The following SH3GL2 variants were observed in gnomAD, a reference collection of about 807,000 sequenced individuals.
The protein encoded by SH3GL2 is SH3 domain containing GRB2 like 2, endophilin A1, also known as endophilin-A1.
Under a neutral mutation model 46.0 loss-of-function variants are expected in SH3GL2, and 24 were observed. The ratio of observed to expected loss-of-function variants is 0.52; its 90% CI spans 0.38 to 0.73. The LOEUF (loss-of-function observed/expected upper bound fraction) is 0.73. SH3GL2 is among the 30% of genes least tolerant of loss of function. The probability of loss-of-function intolerance (pLI) is 0.00; values close to 1 mark genes in which losing one functional copy is unlikely to be tolerated. For missense variants in SH3GL2, 413 were observed against 424.2 expected, an observed-to-expected ratio of 0.97 and a Z score of 0.23; for synonymous variants, 196 against 147.1, an observed-to-expected ratio of 1.33 and a Z score of -2.40.
At chr9:17,612,517 A>G (rs1477696891) in intron 1 of SH3GL2, among the ~76,000 whole-genome samples, 2 of 152,204 alleles carry the variant, frequency 1.3e-5, no homozygotes, top group Non-Finnish European at 2.9e-5. Flanking sequence ...ATTGAAATAC[A>G]GAGGACCAGA....
intron 1 of SH3GL2, among the ~76,000 whole-genome samples, chr9:17,735,092 G>A (rs537561940): frequency 1.6e-4 from 24 of 152,220 alleles, no homozygotes; most frequent in Admixed American, 3.9e-4. Flanking sequence ...CACATCATGA[G>A]AAGGGGTAAC....
At chr9:17,638,844 G>T (rs899587958) in intron 1 of SH3GL2, among the ~76,000 whole-genome samples, 11 of 152,144 alleles carry the variant, frequency 7.2e-5, no homozygotes, top group African/African-American at 2.7e-4. Context: ...GGGGGAGGGG[G>T]TGGTGGTGTG....
intron 1 of SH3GL2, among the ~76,000 whole-genome samples, chr9:17,638,941 A>C (rs1382011949): frequency 6.6e-6 from 1 of 152,240 alleles, no homozygotes; most frequent in Admixed American, 6.5e-5. Flanking sequence ...GTTGGATCCC[A>C]TATGTAAAAA....
At chr9:17,624,702 C>G (rs2224447) in intron 1 of SH3GL2, among the ~76,000 whole-genome samples, 58,985 of 151,950 alleles carry the variant, frequency 0.39, 12,630 homozygotes, top group Middle Eastern at 0.5. Context: ...AAATTTTTCA[C>G]TTTCTGGCAT....
intron 1 of SH3GL2, among the ~76,000 whole-genome samples, chr9:17,692,160 C>T (rs796392539): frequency 2.8e-4 from 43 of 151,888 alleles, no homozygotes; most frequent in African/African-American, 9.9e-4. Context: ...GTGGAATATG[C>T]AGATGTTAAA....
chr9:17,655,602 C>A (rs577167444), intron 1 of SH3GL2, among the ~76,000 whole-genome samples: 6 of 152,308 alleles, frequency 3.9e-5, no homozygotes, highest in Non-Finnish European at 2.9e-5. Flanking sequence ...AAACCCCAAG[C>A]ATATTTATTT....
chr9:17,638,861 C>T (rs1819609047), intron 1 of SH3GL2, among the ~76,000 whole-genome samples: 1 of 152,204 alleles, frequency 6.6e-6, no homozygotes, highest in Non-Finnish European at 1.5e-5. Context: ...TGTGTGACTT[C>T]TCTCCATTTC....
chr9:17,683,867 T>C (rs1563811044), intron 1 of SH3GL2, among the ~76,000 whole-genome samples: 1 of 152,084 alleles, frequency 6.6e-6, no homozygotes. Flanking sequence ...AAACCTGTGA[T>C]GTGCAGAGGC....
intron 1 of SH3GL2, among the ~76,000 whole-genome samples, chr9:17,609,932 T>C (rs566689723): frequency 6.6e-6 from 1 of 152,334 alleles, no homozygotes; most frequent in Non-Finnish European, 1.5e-5. Context: ...AGACACACGA[T>C]TGGCCCTCTA....
Position 17,735,866 on chromosome 9 carries a change from A to T in SH3GL2, c.46-11200A>T, listed in dbSNP as rs142461275. The T allele has an allele frequency of 4.6e-3, 1,491 of 327,366 alleles. 8 individuals carry two copies. The highest frequency in any genetic ancestry group is 5.5e-3 in the Non-Finnish European group (1,262 of 228,406). 20.3% of individuals were successfully genotyped at this position (327,366 alleles called of 1,614,324 possible). A position where few individuals can be genotyped will look rare whatever the true frequency, so the allele number is the denominator to read the frequency against. ...TCTGCGTATATGTTTCATCTATTGC[A>T]GCAGCCTTTCCTGTTACATACTTAT... On this transcript the variant is annotated intron_variant, in intron 1 of 8. Coordinates refer to ENST00000380607, the MANE Select transcript of SH3GL2 (RefSeq NM_003026.5).
chr9:17,721,626 A>G (rs997425881), intron 1 of SH3GL2, among the ~76,000 whole-genome samples: 4 of 152,060 alleles, frequency 2.6e-5, no homozygotes, highest in Non-Finnish European at 4.4e-5. Flanking sequence ...AAAGAAAAAA[A>G]GTATATTTTT....
At chr9:17,676,268 T>C (rs780085860) in intron 1 of SH3GL2, among the ~76,000 whole-genome samples, 1 of 152,172 alleles carries the variant, frequency 6.6e-6, no homozygotes, top group Non-Finnish European at 1.5e-5. Context: ...CAAAAATATT[T>C]ATGCATCTAA....
intron 1 of SH3GL2, among the ~76,000 whole-genome samples, chr9:17,627,290 A>G (rs111520360): frequency 0.022 from 3,347 of 152,180 alleles, 126 homozygotes; most frequent in African/African-American, 0.077. Flanking sequence ...CCCAGAGCCC[A>G]CCTACAGCTC....
chr9:17,714,978 G>C (rs1821714827), intron 1 of SH3GL2, among the ~76,000 whole-genome samples: 1 of 151,612 alleles, frequency 6.6e-6, no homozygotes, highest in Non-Finnish European at 1.5e-5. Context: ...TGTGTTTTTG[G>C]AAGGTGTTTT....
In SH3GL2 at chr9:17,796,723, A is replaced by T. The variant is rs1219500325; in HGVS notation, c.*980A>T. On this transcript the variant is annotated 3_prime_UTR_variant, in exon 9 of 9. Transcript: ENST00000380607. ...TCCACTTTTACCCTGTGTTCTTTGA[A>T]CATCATTTGTGCAGATTCTGCCCTC... The T allele has an allele frequency of 1.3e-5, 2 of 152,644 alleles. No individual in the cohort carries two copies. Among genetic ancestry groups the T allele is most frequent in the East Asian group, 3.9e-4 (2 of 5,194 alleles). 9.5% of individuals were successfully genotyped at this position (152,644 alleles called of 1,614,324 possible).
intron 3 of SH3GL2, among the ~76,000 whole-genome samples, chr9:17,780,588 T>C (rs1183094334): frequency 4.5e-5 from 6 of 132,550 alleles, no homozygotes; most frequent in Non-Finnish European, 9.6e-5. Flanking sequence ...CACTAACGTG[T>C]CATCTAGCAT....
intron 1 of SH3GL2, among the ~76,000 whole-genome samples, chr9:17,633,741 T>A (rs1188667188): frequency 2.6e-5 from 4 of 152,228 alleles, no homozygotes; most frequent in Admixed American, 2.6e-4. Context: ...GGCTTTCATC[T>A]GTGTATCTTC....
intron 1 of SH3GL2, among the ~76,000 whole-genome samples, chr9:17,605,039 C>A (rs1335222572): frequency 6.7e-6 from 1 of 149,322 alleles, no homozygotes; most frequent in Non-Finnish European, 1.5e-5. Flanking sequence ...GGGGGACAGT[C>A]ATGGCTCACT....
chr9:17,642,677 A>G (rs1819712976), intron 1 of SH3GL2, among the ~76,000 whole-genome samples: 2 of 151,910 alleles, frequency 1.3e-5, no homozygotes, highest in Admixed American at 1.3e-4. Context: ...GTGCGGTGCT[A>G]TTTCTGAGGG....
Sources: allele counts gnomAD v4.1 joint callset (sites outside exome capture counted in the v4.1 genomes callset), GRCh38; gene constraint gnomAD v4.1.1; transcripts MANE v1.5; gene names NCBI Gene and HGNC (gene_info 2026-07-23, HGNC 2026-07-21).